The following PRELID2 variants were observed in gnomAD, a reference collection of about 807,000 sequenced individuals.
The protein encoded by PRELID2 is PRELI domain containing 2.
PRELID2 carries 25 observed loss-of-function variants against 28.4 expected under a neutral mutation model. That is an observed-to-expected ratio of 0.88 (90% CI 0.64 to 1.23). PRELID2 has a LOEUF of 1.23. Among genes scored for constraint, PRELID2 ranks in the 50% most tolerant of loss-of-function variants. PRELID2 has a pLI of 0.00. For missense variants in PRELID2, 201 were observed against 214.4 expected, an observed-to-expected ratio of 0.94 and a Z score of 0.39; for synonymous variants, 76 against 71.6, an observed-to-expected ratio of 1.06 and a Z score of -0.31.
At chr5:145,425,845 T>C in the PRELID2 span, among the ~76,000 whole-genome samples, 9 of 151,724 alleles carry the variant, frequency 5.9e-5, no homozygotes, top group African/African-American at 1.9e-4. Context: ...AACTTAAAAG[T>C]TGAAGAAAAA....
chr5:145,501,414 A>G (rs7702032), intron 1 of PRELID2, among the ~76,000 whole-genome samples: 34,937 of 151,986 alleles, frequency 0.23, 4,186 homozygotes, highest in South Asian at 0.38. Flanking sequence ...CTGTGTCCCC[A>G]CCCAAATCTC....
At chr5:145,418,444 G>T in the PRELID2 span, among the ~76,000 whole-genome samples, 1 of 151,992 alleles carries the variant, frequency 6.6e-6, no homozygotes, top group African/African-American at 2.4e-5. Context: ...ACAATCCTAA[G>T]CAAAAATAAA....
chr5:145,386,453 T>C, the PRELID2 span, among the ~76,000 whole-genome samples: 1 of 152,080 alleles, frequency 6.6e-6, no homozygotes, highest in Non-Finnish European at 1.5e-5. Context: ...GATGGTTTCA[T>C]AGGCAGTTTT....
the PRELID2 span, among the ~76,000 whole-genome samples, chr5:145,331,747 T>C: frequency 2.0e-5 from 3 of 152,202 alleles, no homozygotes; most frequent in South Asian, 2.1e-4. Context: ...TGTCTTTCAA[T>C]TGGGGCATTT....
intron 1 of PRELID2, among the ~76,000 whole-genome samples, chr5:145,591,601 T>A (rs776316240): frequency 3.9e-5 from 6 of 152,142 alleles, no homozygotes; most frequent in Non-Finnish European, 8.8e-5. Context: ...GACAAAAATG[T>A]TCAGGCTTCA....
chr5:145,810,549 A>C (rs1753858082), intron 4 of PRELID2, among the ~76,000 whole-genome samples: 1 of 152,234 alleles, frequency 6.6e-6, no homozygotes, highest in Admixed American at 6.5e-5. Flanking sequence ...ATGTGTACTG[A>C]GGGAATGCAA....
the PRELID2 span, among the ~76,000 whole-genome samples, chr5:145,359,373 T>G: frequency 1.3e-5 from 2 of 152,202 alleles, no homozygotes; most frequent in African/African-American, 4.8e-5. Flanking sequence ...CATTAATCTC[T>G]CCCTGTTCTC....
intron 1 of PRELID2, among the ~76,000 whole-genome samples, chr5:145,713,174 T>A (rs976400220): frequency 3.3e-5 from 5 of 150,814 alleles, no homozygotes; most frequent in Non-Finnish European, 7.4e-5. Flanking sequence ...CAACTACAGA[T>A]CCAAAAAGCT....
At chr5:145,812,366 G>C (rs1754012053) in intron 4 of PRELID2, among the ~76,000 whole-genome samples, 1 of 152,194 alleles carries the variant, frequency 6.6e-6, no homozygotes, top group Non-Finnish European at 1.5e-5. Flanking sequence ...TCCTTAGTGA[G>C]AGGAAGGGCA....
At chr5:145,785,500 A>G (rs1415687949) in intron 5 of PRELID2, among the ~76,000 whole-genome samples, 1 of 152,236 alleles carries the variant, frequency 6.6e-6, no homozygotes, top group African/African-American at 2.4e-5. Flanking sequence ...TTCAAGTTAT[A>G]CACTAGATAC....
the PRELID2 span, among the ~76,000 whole-genome samples, chr5:145,244,801 A>G: frequency 6.6e-6 from 1 of 152,110 alleles, no homozygotes; most frequent in African/African-American, 2.4e-5. Flanking sequence ...GATCAGAGTT[A>G]ATTTCACCCT....
At chr5:145,610,574 A>C (rs1753598945) in intron 1 of PRELID2, among the ~76,000 whole-genome samples, 1 of 152,186 alleles carries the variant, frequency 6.6e-6, no homozygotes, top group Non-Finnish European at 1.5e-5. Flanking sequence ...ATCCTGACTA[A>C]TTGTTGAGTG....
At chr5:145,633,407 C>T (rs1324617839) in intron 1 of PRELID2, among the ~76,000 whole-genome samples, 1 of 152,190 alleles carries the variant, frequency 6.6e-6, no homozygotes, top group African/African-American at 2.4e-5. Context: ...GGTCTAAGGT[C>T]TGACTCGGCC....
At chr5:145,764,495 T>A (rs1262772239) in intron 6 of PRELID2, among the ~76,000 whole-genome samples, 1 of 152,212 alleles carries the variant, frequency 6.6e-6, no homozygotes, top group Non-Finnish European at 1.5e-5. Context: ...TGGAAATACA[T>A]ATGACTAATA....
At chr5:145,312,024 A>G in the PRELID2 span, among the ~76,000 whole-genome samples, 1 of 152,104 alleles carries the variant, frequency 6.6e-6, no homozygotes, top group African/African-American at 2.4e-5. Flanking sequence ...TCACATACTT[A>G]TCATTTTTTA....
chr5:145,627,158 A>AAG, intron 1 of PRELID2, among the ~76,000 whole-genome samples: 1 of 146,358 alleles, frequency 6.8e-6, no homozygotes, highest in African/African-American at 2.5e-5. Flanking sequence ...TTGTGTATAT[A>AAG]TACCGTGGAA....
Position 145,835,213 on chromosome 5 carries a change from G to GTACT in PRELID2, c.35_38dup (p.Tyr13Ter). 6.4e-7 allele frequency: 1 copy of GTACT among 1,550,430 alleles called. No homozygotes were observed. Among genetic ancestry groups the GTACT allele is most frequent in the Non-Finnish European group, 8.7e-7 (1 of 1,146,418 alleles). On this transcript the variant is annotated stop_gained and frameshift_variant, in exon 1 of 7. Coordinates refer to ENST00000683046, the MANE Select transcript of PRELID2 (RefSeq NM_205846.3). LOFTEE classifies it high-confidence loss of function. ...AGCTGGCGACCACCTGCTCGAAGGG[G>GTACT]TACTTGTACACCTGGTGCACATCCA...
In PRELID2 at chr5:145,818,042, T is replaced by C; in HGVS notation, c.220A>G (p.Lys74Glu). 3.7e-6 allele frequency: 6 copies of C among 1,612,160 alleles called. No homozygotes were observed. The highest frequency in any genetic ancestry group is 5.1e-6 in the Non-Finnish European group (6 of 1,179,084). The change falls in exon 4 of 7, where the codon AAA becomes GAA. Residue 74 changes from lysine (K) to glutamate (E), a missense_variant. By Grantham distance (56) the Lys-to-Glu change is moderately conservative. Transcript: ENST00000683046. ...TCTTCTAATTGGATATTAGGTACTT[T>C]CAAAATGCTCACCTGTCCAACAGAA... ...PEILRKVSIL[K>E]VPNIQLEEES...
chr5:145,539,142 C>T (rs1466065341), intron 1 of PRELID2, among the ~76,000 whole-genome samples: 1 of 151,944 alleles, frequency 6.6e-6, no homozygotes, highest in East Asian at 1.9e-4. Flanking sequence ...AGGCTAACTG[C>T]CATGGTGAAC....
Sources: gnomAD v4.1 joint callset for allele counts (sites outside exome capture counted in the v4.1 genomes callset) on GRCh38, gnomAD v4.1.1 for gene constraint, MANE v1.5 for transcripts, NCBI Gene and HGNC (gene_info 2026-07-23, HGNC 2026-07-21) for gene names.